ADAMTSL1: variants seen among roughly 807,000 people sequenced by gnomAD.
The protein encoded by ADAMTSL1 is ADAMTS-like protein 1.
Under a neutral mutation model 201.8 loss-of-function variants are expected in ADAMTSL1, and 126 were observed. The ratio of observed to expected loss-of-function variants is 0.62; its 90% CI spans 0.54 to 0.72. ADAMTSL1 has a LOEUF of 0.72. Among genes scored for constraint, ADAMTSL1 ranks in the 30% least tolerant of loss-of-function variants. The pLI is 0.00. For missense variants in ADAMTSL1, 2,679 were observed against 2,277.8 expected, an observed-to-expected ratio of 1.18 and a Z score of -3.59; for synonymous variants, 1,121 against 903.4, an observed-to-expected ratio of 1.24 and a Z score of -4.32.
At position 18,128,458 on chromosome 9, in the gene ADAMTSL1, G is replaced by A. The variant is rs112402020; in HGVS notation, c.88-35404G>A. On this transcript the variant is annotated intron_variant, in intron 1 of 29. Transcript: ENST00000680146. The stretch of plus-strand genomic sequence containing the variant: ...GCTCACTGCAGCCTCGACTTCCCAG[G>A]CTCAAGTGATTCTCCCACCTCAGTC... Among the ~76,000 whole-genome samples, 5 of 152,174 alleles carry A rather than the reference G, an allele frequency of 3.3e-5. 1 individual carries two copies. Among genetic ancestry groups the A allele is most frequent in the African/African-American group, 1.2e-4 (5 of 41,510 alleles).
chr9:18,256,731 C>G (rs1831705084), intron 2 of ADAMTSL1, among the ~76,000 whole-genome samples: 2 of 152,166 alleles, frequency 1.3e-5, no homozygotes, highest in Non-Finnish European at 2.9e-5. Context: ...TACATGTGAA[C>G]CAGATGAGCC....
intron 2 of ADAMTSL1, among the ~76,000 whole-genome samples, chr9:18,460,858 AC>A (rs1239329820): frequency 1.3e-5 from 2 of 152,128 alleles, no homozygotes; most frequent in African/African-American, 4.8e-5. Flanking sequence ...AGTGAAAATC[AC>A]CCCTCAAGAA....
chr9:18,098,397 A>G (rs1252258782), intron 1 of ADAMTSL1, among the ~76,000 whole-genome samples: 4 of 151,980 alleles, frequency 2.6e-5, no homozygotes, highest in Non-Finnish European at 5.9e-5. Context: ...CTTTTTAAAA[A>G]TGTAGATCTT....
chr9:18,781,281 T>C (rs904926764), intron 19 of ADAMTSL1, among the ~76,000 whole-genome samples: 3 of 152,174 alleles, frequency 2.0e-5, no homozygotes, highest in African/African-American at 7.2e-5. Context: ...AGAGGGAAGA[T>C]ACCTGAGAGG....
At chr9:18,282,754 G>A (rs1295887798) in intron 2 of ADAMTSL1, among the ~76,000 whole-genome samples, 7 of 152,134 alleles carry the variant, frequency 4.6e-5, no homozygotes, top group Admixed American at 2.0e-4. Flanking sequence ...AAAATTAGCC[G>A]GCTGTGGTAG....
chr9:18,102,650 G>C (rs1824581822), intron 1 of ADAMTSL1, among the ~76,000 whole-genome samples: 1 of 152,192 alleles, frequency 6.6e-6, no homozygotes, highest in Non-Finnish European at 1.5e-5. Context: ...AGGAGGGCTG[G>C]TTTGTGCAAA....
At chr9:18,882,686 T>C (rs1178331131) in intron 23 of ADAMTSL1, among the ~76,000 whole-genome samples, 2 of 152,218 alleles carry the variant, frequency 1.3e-5, no homozygotes, top group South Asian at 2.1e-4. Context: ...CTGCTTCTCC[T>C]GAGTACCTTG....
chr9:18,168,291 A>G (rs1827724799), intron 2 of ADAMTSL1, among the ~76,000 whole-genome samples: 1 of 151,928 alleles, frequency 6.6e-6, no homozygotes, highest in Non-Finnish European at 1.5e-5. Context: ...CAACCCCACA[A>G]GGGTCCCTGG....
rs146789158 is a variant in ADAMTSL1, at chr9:18,890,454, G to A, written c.4643+706G>A. On this transcript the variant is annotated intron_variant, in intron 25 of 28. Coordinates refer to ENST00000380548, the MANE Select transcript of ADAMTSL1 (RefSeq NM_001040272.6). ...TTGGAGTTGGCACTGGTGCAGTGCT[G>A]AGAGCCTGGGGGGATGTGGCTCAGC... is the stretch of plus-strand genomic sequence containing the variant. 2,409 of 454,940 alleles carry A rather than the reference G, an allele frequency of 5.3e-3. 33 individuals are homozygous for A. The highest frequency in any genetic ancestry group is 0.017 in the South Asian group (1,088 of 64,310). The allele number at this position is 454,940 out of a possible 1,614,324, so 28.2% of individuals were successfully genotyped here.
intron 2 of ADAMTSL1, among the ~76,000 whole-genome samples, chr9:18,310,223 C>G (rs1268212908): frequency 6.6e-6 from 1 of 151,704 alleles, no homozygotes. Flanking sequence ...AGCCCTAAAA[C>G]CATAAAAATC....
intron 1 of ADAMTSL1, among the ~76,000 whole-genome samples, chr9:17,916,004 C>CCACCTT (rs1215809103): frequency 6.6e-6 from 1 of 152,154 alleles, no homozygotes; most frequent in Non-Finnish European, 1.5e-5. Flanking sequence ...ACTGAAACCT[C>CCACCTT]CACCTTCTGT....
chr9:17,983,064 C>CTTTTTTTTTTTTTTT lies in ADAMTSL1; in HGVS notation c.87+76145_87+76146insTTTTTTTTTTTTTTT, dbSNP rs202085722. Among the ~76,000 whole-genome samples the CTTTTTTTTTTTTTTT allele has an allele frequency of 5.4e-4, 48 of 88,566 alleles. 2 individuals are homozygous for CTTTTTTTTTTTTTTT. The highest frequency in any genetic ancestry group is 9.0e-4 in the African/African-American group (21 of 23,234). 58.1% of individuals were successfully genotyped at this position (88,566 alleles called of 152,430 possible). On this transcript the variant is annotated intron_variant, in intron 1 of 29. Transcript: ENST00000680146. ...TTTTCATTTTCTTTTTCTTTTCTTTCTTTCTTTCTTTCTTTTTTTTTTTTG... is the reference window on the plus strand; with the variant it reads ...TTTTCATTTTCTTTTTCTTTTCTTTCTTTTTTTTTTTTTTTTTTCTTTCTTTCTTTTTTTTTTTTG...
chr9:17,923,432 GCTCT>G (rs2131298460), intron 1 of ADAMTSL1, among the ~76,000 whole-genome samples: 1 of 147,364 alleles, frequency 6.8e-6, no homozygotes, highest in East Asian at 2.0e-4. Flanking sequence ...TCATGATTTG[GCTCT>G]CTGTTTGTCT....
chr9:18,820,327 A>G (rs369959668), intron 21 of ADAMTSL1, among the ~76,000 whole-genome samples: 4 of 152,234 alleles, frequency 2.6e-5, no homozygotes, highest in African/African-American at 9.6e-5. Flanking sequence ...TGAAATATGT[A>G]ATGATAATAC....
At chr9:18,057,544 A>T (rs1177701401) in intron 1 of ADAMTSL1, among the ~76,000 whole-genome samples, 1 of 152,164 alleles carries the variant, frequency 6.6e-6, no homozygotes, top group Non-Finnish European at 1.5e-5. Flanking sequence ...TAGCGTTACA[A>T]ACAAGGGAGA....
intron 2 of ADAMTSL1, among the ~76,000 whole-genome samples, chr9:18,377,724 G>A (rs570443459): frequency 3.3e-5 from 5 of 152,110 alleles, no homozygotes; most frequent in South Asian, 2.1e-4. Flanking sequence ...GTGCCACCAC[G>A]CCCGGTTAAT....
chr9:18,121,919 ATG>A (rs1356005394), intron 1 of ADAMTSL1, among the ~76,000 whole-genome samples: 1 of 152,104 alleles, frequency 6.6e-6, no homozygotes, highest in African/African-American at 2.4e-5. Flanking sequence ...CCAATTTCCC[ATG>A]TCCTCCTCTA....
At chr9:18,542,978 A>G (rs563698646) in intron 3 of ADAMTSL1, among the ~76,000 whole-genome samples, 1 of 152,324 alleles carries the variant, frequency 6.6e-6, no homozygotes, top group East Asian at 1.9e-4. Flanking sequence ...CTGCAGGCTT[A>G]TAATGGCCCT....
chr9:18,152,636 G>T (rs1587169746), intron 1 of ADAMTSL1, among the ~76,000 whole-genome samples: 1 of 151,944 alleles, frequency 6.6e-6, no homozygotes, highest in Non-Finnish European at 1.5e-5. Context: ...CAGAAAACAA[G>T]GGGGAGAGAT....
Sources: gnomAD v4.1 joint callset for allele counts (sites outside exome capture counted in the v4.1 genomes callset) on GRCh38, gnomAD v4.1.1 for gene constraint, MANE v1.5 for transcripts, NCBI Gene and HGNC (gene_info 2026-07-23, HGNC 2026-07-21) for gene names.